Variants in ARHGEF3 observed in about 807,000 individuals in gnomAD.
The protein encoded by ARHGEF3 is Rho guanine nucleotide exchange factor 3.
A neutral mutation model predicts 63.2 loss-of-function variants in ARHGEF3; 28 were observed. That is an observed-to-expected ratio of 0.44 (90% CI 0.33 to 0.61). The LOEUF (loss-of-function observed/expected upper bound fraction) is 0.61. Ranked by LOEUF, ARHGEF3 falls within the 20% of genes least tolerant of loss-of-function variation. The pLI, the probability that ARHGEF3 is intolerant of heterozygous loss-of-function variation, is 0.03. For missense variants in ARHGEF3, 533 were observed against 659.3 expected, an observed-to-expected ratio of 0.81 and a Z score of 2.10; for synonymous variants, 266 against 254.2, an observed-to-expected ratio of 1.05 and a Z score of -0.44.
intron 2 of ARHGEF3, among the ~76,000 whole-genome samples, chr3:56,992,881 T>C (rs1701819821): frequency 6.6e-6 from 1 of 152,228 alleles, no homozygotes. Context: ...TTGCCTAGGC[T>C]GGAGTGCAGT....
intron 7 of ARHGEF3, among the ~76,000 whole-genome samples, chr3:56,743,904 G>C (rs1322611857): frequency 6.6e-6 from 1 of 151,922 alleles, no homozygotes; most frequent in African/African-American, 2.4e-5. Flanking sequence ...TCAGTCCCTT[G>C]TTCTACCAAG....
chr3:56,803,121 A>G (rs2037733408), upstream of ARHGEF3, among the ~76,000 whole-genome samples: 1 of 152,250 alleles, frequency 6.6e-6, no homozygotes, highest in South Asian at 2.1e-4. Context: ...AATCCACAGC[A>G]AGCTTTTACC....
chr3:57,015,499 T>C (rs1464239045), intron 2 of ARHGEF3, among the ~76,000 whole-genome samples: 1 of 151,922 alleles, frequency 6.6e-6, no homozygotes, highest in Non-Finnish European at 1.5e-5. Flanking sequence ...AGTTGCAGGA[T>C]CATGGCTCAC....
intron 2 of ARHGEF3, among the ~76,000 whole-genome samples, chr3:56,759,287 C>T (rs1355954126): frequency 1.3e-5 from 2 of 150,524 alleles, no homozygotes; most frequent in African/African-American, 4.9e-5. Context: ...ACACCATTCT[C>T]CTGCCTCAGC....
chr3:56,792,068 T>C (rs2037103716), intron 1 of ARHGEF3, among the ~76,000 whole-genome samples: 2 of 137,764 alleles, frequency 1.5e-5, no homozygotes, highest in South Asian at 4.5e-4. Flanking sequence ...ATCTTGCTGC[T>C]GCACTCCAGA....
intron 8 of ARHGEF3, among the ~76,000 whole-genome samples, chr3:56,736,721 A>C (rs2033647077): frequency 6.6e-6 from 1 of 152,242 alleles, no homozygotes; most frequent in African/African-American, 2.4e-5. Context: ...TTAACATTAC[A>C]AAATATGAAT....
At position 56,833,659 on chromosome 3, in the gene ARHGEF3, T is replaced by C. The variant is rs566111889; in HGVS notation, c.192+48633A>G. Among the ~76,000 whole-genome samples the C allele has an allele frequency of 1.1e-4, 16 of 152,356 alleles. No homozygotes were observed. In the East Asian group the frequency reaches 1.7e-3, roughly 17 times the overall value. ...TTACAAAATGTGTCGCACTTCCCTA[T>C]ACACGCCTCCTTCTGCATTCCTGAG... On this transcript the variant is annotated intron_variant, in intron 4 of 12. Coordinates refer to the ARHGEF3 transcript ENST00000338458.
chr3:56,774,928 A>AT, intron 1 of ARHGEF3: 1 of 1,213,742 alleles, frequency 8.2e-7, no homozygotes, highest in Non-Finnish European at 1.1e-6. Flanking sequence ...AACAACAACA[A>AT]AAAAAAAACA....
At chr3:56,889,828 G>A (rs753320291) in intron 3 of ARHGEF3, among the ~76,000 whole-genome samples, 12 of 152,324 alleles carry the variant, frequency 7.9e-5, no homozygotes, top group Non-Finnish European at 1.8e-4. Flanking sequence ...TTGGGAGGCC[G>A]AGATGGGCGG....
chr3:56,920,986 C>A (rs12630245), intron 3 of ARHGEF3, among the ~76,000 whole-genome samples: 20 of 148,848 alleles, frequency 1.3e-4, no homozygotes, highest in Non-Finnish European at 2.4e-4. Context: ...ACCTGGGAGG[C>A]GGAGCTTGCA....
intron 3 of ARHGEF3, among the ~76,000 whole-genome samples, chr3:56,915,625 CTCTT>C (rs1353891683): frequency 6.6e-6 from 1 of 152,166 alleles, no homozygotes; most frequent in East Asian, 1.9e-4. Flanking sequence ...TTTCCAGACA[CTCTT>C]TCCAAAATAA....
At chr3:57,043,272 A>G (rs1208781692) in intron 1 of ARHGEF3, among the ~76,000 whole-genome samples, 1 of 151,874 alleles carries the variant, frequency 6.6e-6, no homozygotes, top group East Asian at 1.9e-4. Flanking sequence ...ATGTGCCACC[A>G]TGCCCGGCTA....
chr3:57,012,347 C>T (rs960465562), intron 2 of ARHGEF3, among the ~76,000 whole-genome samples: 1 of 152,156 alleles, frequency 6.6e-6, no homozygotes, highest in Admixed American at 6.5e-5. Flanking sequence ...CAACCTCCAC[C>T]TCCCGGGTTT....
chr3:56,846,064 C>T (rs2039478199), intron 4 of ARHGEF3, among the ~76,000 whole-genome samples: 1 of 152,102 alleles, frequency 6.6e-6, no homozygotes, highest in African/African-American at 2.4e-5. Flanking sequence ...GTCTGGTAAC[C>T]CATGCTATTG....
chr3:57,042,585 C>T (rs528969985), intron 1 of ARHGEF3, among the ~76,000 whole-genome samples: 2 of 147,006 alleles, frequency 1.4e-5, no homozygotes, highest in South Asian at 2.2e-4. Context: ...CATGGCTCCC[C>T]GCTCTCCAAC....
At chr3:56,947,508 AC>A (rs1372964544) in intron 3 of ARHGEF3, among the ~76,000 whole-genome samples, 1 of 152,204 alleles carries the variant, frequency 6.6e-6, no homozygotes, top group Admixed American at 6.5e-5. Context: ...CTTTAAACCA[AC>A]AAAGATCAAA....
At chr3:56,749,987 A>G (rs528021186) in intron 6 of ARHGEF3, among the ~76,000 whole-genome samples, 1 of 152,372 alleles carries the variant, frequency 6.6e-6, no homozygotes, top group Non-Finnish European at 1.5e-5. Context: ...AACGGAATAA[A>G]GAGAACTCAC....
At chr3:57,054,104 C>A (rs1251577172) in intron 1 of ARHGEF3, among the ~76,000 whole-genome samples, 2 of 152,078 alleles carry the variant, frequency 1.3e-5, no homozygotes, top group Admixed American at 1.3e-4. Context: ...ATGGTTGTAC[C>A]AATTCATACT....
At chr3:56,947,822 T>A (rs956287724) in intron 3 of ARHGEF3, among the ~76,000 whole-genome samples, 2 of 152,248 alleles carry the variant, frequency 1.3e-5, no homozygotes, top group Admixed American at 6.5e-5. Context: ...CAACAGAATA[T>A]ACATTCTTCT....
Sources: allele counts gnomAD v4.1 joint callset (sites outside exome capture counted in the v4.1 genomes callset), GRCh38; gene constraint gnomAD v4.1.1; transcripts MANE v1.5; gene names NCBI Gene and HGNC (gene_info 2026-07-23, HGNC 2026-07-21).